GABRA4: variants seen among roughly 807,000 people sequenced by gnomAD.
GABRA4 encodes gamma-aminobutyric acid type A receptor subunit alpha4.
Under a neutral mutation model 49.7 loss-of-function variants are expected in GABRA4, and 12 were observed. That is an observed-to-expected ratio of 0.24 (90% CI 0.15 to 0.39). The LOEUF is 0.39. GABRA4 is among the 10% of genes least tolerant of loss of function. GABRA4 has a pLI of 1.00. For missense variants in GABRA4, 506 were observed against 686.0 expected, an observed-to-expected ratio of 0.74 and a Z score of 2.93; for synonymous variants, 288 against 240.2, an observed-to-expected ratio of 1.20 and a Z score of -1.84.
chr4:46,977,732 AT>A (rs1321881544), intron 3 of GABRA4, 102 bp from the exon 4 acceptor site: 9 of 728,706 alleles, frequency 1.2e-5, no homozygotes, highest in Non-Finnish European at 4.5e-6. Flanking sequence ...TCATAAAAAA[AT>A]ACCACTCCAA....
chr4:46,972,556 A>T (rs1035928606), intron 6 of GABRA4, among the ~76,000 whole-genome samples: 10 of 151,554 alleles, frequency 6.6e-5, no homozygotes, highest in Admixed American at 3.3e-4. Flanking sequence ...CCACAAATAT[A>T]TACATCACCC....
intron 2 of GABRA4, among the ~76,000 whole-genome samples, chr4:46,982,184 T>G (rs754464404): frequency 1.3e-5 from 2 of 152,126 alleles, no homozygotes; most frequent in Non-Finnish European, 2.9e-5. Flanking sequence ...GATGGAGAGC[T>G]ACATAGAGTA....
chr4:46,950,737 A>T lies in GABRA4; in HGVS notation c.1134+14233T>A, dbSNP rs942257687. ...TAAGAAAATAAATAAATAAATAAATAAATAAATAAATTACTATATGCTTGT... is the reference window on the plus strand; with the variant it reads ...TAAGAAAATAAATAAATAAATAAATTAATAAATAAATTACTATATGCTTGT... On this transcript the variant is annotated intron_variant, in intron 8 of 8. Coordinates refer to ENST00000264318, the MANE Select transcript of GABRA4 (RefSeq NM_000809.4). Among the ~76,000 whole-genome samples the T allele has an allele frequency of 5.7e-4, 72 of 125,280 alleles. No homozygotes were observed. The South Asian group carries it at 8.9e-3, about 15-fold the overall frequency. The allele number at this position is 125,280 out of a possible 152,430, so 82.2% of individuals were successfully genotyped here.
chr4:46,970,292 C>A (rs1457290399), intron 7 of GABRA4, among the ~76,000 whole-genome samples: 5 of 151,472 alleles, frequency 3.3e-5, no homozygotes. Flanking sequence ...AGGAATACAC[C>A]ACCATTCCAG....
chr4:46,947,053 C>T (rs1441969584), intron 8 of GABRA4, among the ~76,000 whole-genome samples: 1 of 151,754 alleles, frequency 6.6e-6, no homozygotes, highest in Non-Finnish European at 1.5e-5. Flanking sequence ...GAAACAGTGA[C>T]TTCCAGGCAT....
In GABRA4 at chr4:46,926,937, A is replaced by C. The variant is rs533156745; in HGVS notation, c.*1288T>G. The C allele has an allele frequency of 6.6e-6, 1 of 152,058 alleles. No homozygotes were observed. The highest frequency in any genetic ancestry group is 2.1e-4 in the South Asian group (1 of 4,822). The allele number at this position is 152,058 out of a possible 1,614,324, so 9.4% of individuals were successfully genotyped here. Reference sequence around the variant, plus strand: ...TTCCCCTTAGTTATTAAACCTTAAAAAAACTCCCAAAAAAACCAACATGAT... The same window carrying C: ...TTCCCCTTAGTTATTAAACCTTAAACAAACTCCCAAAAAAACCAACATGAT... On this transcript the variant is annotated 3_prime_UTR_variant, in exon 9 of 9. Transcript: ENST00000264318.
At chr4:46,949,968 T>C (rs923288539) in intron 8 of GABRA4, among the ~76,000 whole-genome samples, 1 of 152,144 alleles carries the variant, frequency 6.6e-6, no homozygotes. Flanking sequence ...CAGGTCCCCA[T>C]TGACCATGAT....
At chr4:46,965,287 A>T in intron 7 of GABRA4, 58 bp from the exon 8 acceptor site, 1 of 1,323,210 alleles carries the variant, frequency 7.6e-7, no homozygotes, top group Non-Finnish European at 9.9e-7. Flanking sequence ...ATTAAAAAGC[A>T]CCGCCACCAC....
chr4:46,946,934 T>A (rs926253608), intron 8 of GABRA4, among the ~76,000 whole-genome samples: 1 of 152,098 alleles, frequency 6.6e-6, no homozygotes, highest in African/African-American at 2.4e-5. Context: ...CCATTTTGAG[T>A]TCTAGTTATG....
At chr4:46,936,771 A>G (rs959506106) in intron 8 of GABRA4, among the ~76,000 whole-genome samples, 3 of 152,206 alleles carry the variant, frequency 2.0e-5, no homozygotes, top group Admixed American at 1.3e-4. Context: ...GAATATTTAA[A>G]AGAATTGTAT....
rs1721004201 is a variant in GABRA4 at position 46,921,001 on chromosome 4, C to T, written c.*7224G>A. On this transcript the variant is annotated 3_prime_UTR_variant, in exon 9 of 9. Transcript: ENST00000264318. ...AAATTAATCGGTTCAGTGATAATAT[C>T]ATACTCTTGAATATCGTAAATTTCC... 1.3e-5 allele frequency: 2 copies of T among 151,752 alleles called. No individual in the cohort carries two copies. Among genetic ancestry groups the T allele is most frequent in the East Asian group, 1.9e-4 (1 of 5,176 alleles). The allele number at this position is 151,752 out of a possible 1,614,324, so 9.4% of individuals were successfully genotyped here. A position where few individuals can be genotyped will look rare whatever the true frequency, so the allele number is the denominator to read the frequency against.
At chr4:46,937,947 G>A (rs967415369) in intron 8 of GABRA4, among the ~76,000 whole-genome samples, 1 of 152,104 alleles carries the variant, frequency 6.6e-6, no homozygotes, top group South Asian at 2.1e-4. Flanking sequence ...ATGTGAATAA[G>A]TATGTTTCTG....
intron 8 of GABRA4, among the ~76,000 whole-genome samples, chr4:46,946,936 C>A (rs1196380915): frequency 6.6e-6 from 1 of 152,044 alleles, no homozygotes; most frequent in Non-Finnish European, 1.5e-5. Context: ...ATTTTGAGTT[C>A]TAGTTATGCC....
chr4:46,969,276 G>T (rs969457113), intron 7 of GABRA4, among the ~76,000 whole-genome samples: 1 of 151,488 alleles, frequency 6.6e-6, no homozygotes. Context: ...ATGTATACAT[G>T]AGTTTTTTTA....
chr4:46,987,260 T>A (rs1456818716), intron 2 of GABRA4, among the ~76,000 whole-genome samples: 4 of 152,140 alleles, frequency 2.6e-5, no homozygotes, highest in Admixed American at 2.6e-4. Context: ...TTAGAATTCC[T>A]TCTCATTCAT....
chr4:46,982,665 AAGTTTGATTTGTATCCCAT>A (rs1323035818), intron 2 of GABRA4, among the ~76,000 whole-genome samples: 1 of 152,052 alleles, frequency 6.6e-6, no homozygotes, highest in Non-Finnish European at 1.5e-5. Flanking sequence ...TCGTGGTAAG[AAGTTTGATTTGTATCCCAT>A]AGTCATTGGG....
At chr4:46,982,816 T>C (rs1242946574) in intron 2 of GABRA4, among the ~76,000 whole-genome samples, 1 of 152,044 alleles carries the variant, frequency 6.6e-6, no homozygotes, top group Admixed American at 6.6e-5. Context: ...AGGGCTCTTC[T>C]AAGAGACTGC....
chr4:46,974,233 C>T lies in GABRA4; in HGVS notation c.720G>A (p.Thr240=), dbSNP rs776959733. 8.1e-6 allele frequency: 13 copies of T among 1,610,218 alleles called. No homozygotes were observed. Among genetic ancestry groups the T allele is most frequent in the South Asian group, 4.4e-5 (4 of 90,590 alleles). The stretch of plus-strand genomic sequence containing the variant: ...GGCTTTAATCATTACACATCTCACC[C>T]GTAATTGATTTGATGGTTTCACTTG... ...TVSSETIKSI[T]GEYIVMTVYF... Residue 240 remains threonine (T), a splice_region_variant and synonymous_variant, in exon 6 of 9, where the codon ACG becomes ACA. Coordinates refer to ENST00000264318, the MANE Select transcript of GABRA4 (RefSeq NM_000809.4).
chr4:46,954,115 T>C (rs113343912), intron 8 of GABRA4, among the ~76,000 whole-genome samples: 41 of 152,248 alleles, frequency 2.7e-4, no homozygotes, highest in African/African-American at 9.4e-4. Flanking sequence ...ATAATTGATG[T>C]TTTTATTGCT....
Sources: allele counts gnomAD v4.1 joint callset (sites outside exome capture counted in the v4.1 genomes callset), GRCh38; gene constraint gnomAD v4.1.1; transcripts MANE v1.5; gene names NCBI Gene and HGNC (gene_info 2026-07-23, HGNC 2026-07-21).